The following RBM20 variants were observed in gnomAD, a reference collection of about 807,000 sequenced individuals.
The protein encoded by RBM20 is RNA-binding protein 20.
In RBM20, 51 loss-of-function variants were observed where a neutral mutation model predicts 110.1. The observed-to-expected ratio is 0.46, with a 90% CI of 0.37 to 0.59. The LOEUF (loss-of-function observed/expected upper bound fraction) is 0.59, where lower values mean the gene tolerates loss of function less well. RBM20 is among the 20% of genes least tolerant of loss of function. The pLI is 0.00. For synonymous variants in RBM20, 589 were observed against 618.2 expected (o/e 0.95, Z 0.70); for missense variants, 1,512 against 1,574.9 (o/e 0.96, Z 0.68).
intron 1 of RBM20, among the ~76,000 whole-genome samples, chr10:110,677,253 C>T (rs1364997600): frequency 6.6e-6 from 1 of 152,166 alleles, no homozygotes; most frequent in Non-Finnish European, 1.5e-5. Context: ...AATATGTTAA[C>T]CTATAAATGG....
intron 1 of RBM20, among the ~76,000 whole-genome samples, chr10:110,750,282 TA>T (rs1843836033): frequency 6.6e-6 from 1 of 152,198 alleles, no homozygotes; most frequent in Admixed American, 6.5e-5. Context: ...TATCGTTGTA[TA>T]GGGGGAAATT....
At chr10:110,659,873 T>G (rs954051890) in intron 1 of RBM20, among the ~76,000 whole-genome samples, 3 of 151,652 alleles carry the variant, frequency 2.0e-5, no homozygotes, top group Non-Finnish European at 2.9e-5. Flanking sequence ...TTTTAATTTT[T>G]TTTTTGACAG....
chr10:110,783,365 G>A lies in RBM20; in HGVS notation c.1276-1G>A. The A allele has an allele frequency of 6.4e-7, 1 of 1,550,828 alleles. No individual in the cohort carries two copies. Among genetic ancestry groups the A allele is most frequent in the Non-Finnish European group, 8.7e-7 (1 of 1,146,332 alleles). The stretch of plus-strand genomic sequence containing the variant: ...GTCACTTTTCTTTCCTTCTGACCTA[G>A]GACTGGGAGCTGCATGTGAAAGGGA... On this transcript the variant is annotated splice_acceptor_variant, in intron 2 of 13. Coordinates refer to ENST00000369519, the MANE Select transcript of RBM20 (RefSeq NM_001134363.3). LOFTEE classifies it high-confidence loss of function.
intron 1 of RBM20, among the ~76,000 whole-genome samples, chr10:110,728,260 C>G (rs942824505): frequency 6.7e-6 from 1 of 150,306 alleles, no homozygotes; most frequent in South Asian, 2.1e-4. Flanking sequence ...TGGCCTAGGT[C>G]TCCAGCCTCT....
intron 1 of RBM20, among the ~76,000 whole-genome samples, chr10:110,705,475 G>T (rs1862822123): frequency 6.6e-6 from 1 of 152,120 alleles, no homozygotes; most frequent in Non-Finnish European, 1.5e-5. Flanking sequence ...CGATAATACT[G>T]CAGGGATTGG....
chr10:110,658,576 CG>C (rs1182132906), intron 1 of RBM20, among the ~76,000 whole-genome samples: 11 of 152,094 alleles, frequency 7.2e-5, no homozygotes, highest in Non-Finnish European at 1.5e-4. Flanking sequence ...TGCCCACTGC[CG>C]TCCCCTTAGT....
At chr10:110,705,724 G>T (rs1310945271) in intron 1 of RBM20, among the ~76,000 whole-genome samples, 1 of 152,118 alleles carries the variant, frequency 6.6e-6, no homozygotes, top group Admixed American at 6.6e-5. Context: ...TAATTGTTTG[G>T]AACCTAAACC....
intron 1 of RBM20, among the ~76,000 whole-genome samples, chr10:110,679,671 G>A (rs1057405015): frequency 2.6e-5 from 4 of 152,210 alleles, no homozygotes; most frequent in Admixed American, 6.5e-5. Context: ...AGGGCTTTGC[G>A]AGCCCCTGGA....
At chr10:110,763,756 T>C (rs1452550504) in intron 1 of RBM20, among the ~76,000 whole-genome samples, 1 of 149,480 alleles carries the variant, frequency 6.7e-6, no homozygotes, top group Non-Finnish European at 1.5e-5. Context: ...CTTGGCTTTT[T>C]TTTTTTTTTT....
chr10:110,821,798 G>A lies in RBM20; in HGVS notation c.3179G>A (p.Ser1060Asn), dbSNP rs1429152254. The A allele has an allele frequency of 1.3e-6, 2 of 1,551,766 alleles. No individual in the cohort carries two copies. ...GCAGAGGAGAGGGCCCGGCAGCCAAGCCCATTTGTGGATGATTGCAAGACC... is the reference window on the plus strand; with the variant it reads ...GCAGAGGAGAGGGCCCGGCAGCCAAACCCATTTGTGGATGATTGCAAGACC... ...KPAEERARQP[S>N]PFVDDCKTRG... The change falls in exon 11 of 14, where the codon AGC becomes AAC. Residue 1060 changes from serine to asparagine, a missense_variant. This residue lies in a region of RBM20 where 358 missense variants were observed against 384.2 expected (regional missense o/e 0.93). Transcript: ENST00000369519.
intron 1 of RBM20, among the ~76,000 whole-genome samples, chr10:110,736,912 C>T (rs888263319): frequency 6.6e-6 from 1 of 152,038 alleles, no homozygotes; most frequent in African/African-American, 2.4e-5. Context: ...CAGTGGCTCA[C>T]AGCTGTAATC....
At position 110,838,924 on chromosome 10, in the gene RBM20, A is replaced by G. The variant is rs1365853676; in HGVS notation, c.*2946A>G. On this transcript the variant is annotated 3_prime_UTR_variant, in exon 14 of 14. Transcript: ENST00000369519. ...CCTATGATTTGCACTTTTTATTTCTATGTGTGCCACACACAATGCAGTATT... is the reference window on the plus strand; with the variant it reads ...CCTATGATTTGCACTTTTTATTTCTGTGTGTGCCACACACAATGCAGTATT... The G allele has an allele frequency of 6.6e-6, 1 of 152,148 alleles. No individual in the cohort carries two copies. Among genetic ancestry groups the G allele is most frequent in the Non-Finnish European group, 1.5e-5 (1 of 68,026 alleles). 9.4% of individuals were successfully genotyped at this position (152,148 alleles called of 1,614,324 possible).
chr10:110,690,220 A>G (rs945648229), intron 1 of RBM20, among the ~76,000 whole-genome samples: 2 of 152,168 alleles, frequency 1.3e-5, no homozygotes, highest in Admixed American at 1.3e-4. Flanking sequence ...AGCCTGGGCA[A>G]CACAGTGAGC....
In RBM20 at chr10:110,800,122, C is replaced by T. The variant is rs116508525; in HGVS notation, c.1800+204C>T. On this transcript the variant is annotated intron_variant, in intron 7 of 13. Transcript: ENST00000369519. ...GAGGTAAATACAAAGTGCAAAGAGA[C>T]GCCTGAGACTACCTGGGAGCCAAGG... Among the ~76,000 whole-genome samples the T allele has an allele frequency of 4.4e-3, 677 of 152,216 alleles. 4 individuals are homozygous for T. Among genetic ancestry groups the T allele is most frequent in the African/African-American group, 0.015 (624 of 41,512 alleles).
At position 110,713,300 on chromosome 10, in the gene RBM20, G is replaced by A. The variant is rs115823466; in HGVS notation, c.192-67501G>A. On this transcript the variant is annotated intron_variant, in intron 1 of 13. Transcript: ENST00000369519. ...AAACAAGTCTGCTACACAGAGTAAC[G>A]TGCACTAGGCTTAGCTAGTATTATA... Among the ~76,000 whole-genome samples the A allele has an allele frequency of 3.9e-3, 598 of 152,298 alleles. 4 individuals carry two copies. Among genetic ancestry groups the A allele is most frequent in the African/African-American group, 0.013 (555 of 41,552 alleles).
chr10:110,730,580 A>T (rs765220719), intron 1 of RBM20, among the ~76,000 whole-genome samples: 4 of 152,240 alleles, frequency 2.6e-5, no homozygotes, highest in Non-Finnish European at 4.4e-5. Flanking sequence ...GCCTTGAACA[A>T]GCTTTAAGTT....
chr10:110,814,060 C>T (rs531893884), intron 9 of RBM20, among the ~76,000 whole-genome samples: 1 of 152,148 alleles, frequency 6.6e-6, no homozygotes, highest in East Asian at 1.9e-4. Flanking sequence ...GCATAAGGAG[C>T]CTAATTTTTA....
At chr10:110,704,751 T>C (rs1354937454) in intron 1 of RBM20, among the ~76,000 whole-genome samples, 1 of 152,060 alleles carries the variant, frequency 6.6e-6, no homozygotes, top group Non-Finnish European at 1.5e-5. Context: ...GCAGGCAAAT[T>C]ATAGAAGGCC....
intron 7 of RBM20, among the ~76,000 whole-genome samples, chr10:110,809,115 C>A (rs1242465722): frequency 1.3e-5 from 2 of 150,388 alleles, no homozygotes; most frequent in African/African-American, 2.4e-5. Flanking sequence ...ACTTTGGAGG[C>A]TGAAGTGGGA....
Sources: gnomAD v4.1 joint callset for allele counts (sites outside exome capture counted in the v4.1 genomes callset) on GRCh38, gnomAD v4.1.1 for gene constraint, gnomAD v4.1.1 regional missense constraint, MANE v1.5 for transcripts, NCBI Gene and HGNC (gene_info 2026-07-23, HGNC 2026-07-21) for gene names.